The following FKBP5 variants were observed in gnomAD, a reference collection of about 807,000 sequenced individuals.
FKBP5 encodes peptidyl-prolyl cis-trans isomerase FKBP5.
FKBP5 carries 23 observed loss-of-function variants against 50.5 expected under a neutral mutation model. That is an observed-to-expected ratio of 0.46 (90% CI 0.33 to 0.65). The LOEUF (loss-of-function observed/expected upper bound fraction) is 0.65, where lower values mean the gene tolerates loss of function less well. FKBP5 is among the 30% of genes least tolerant of loss of function. The probability of loss-of-function intolerance (pLI) is 0.02; values close to 1 mark genes in which losing one functional copy is unlikely to be tolerated. For synonymous variants in FKBP5, 176 were observed against 190.6 expected, an observed-to-expected ratio of 0.92 and a Z score of 0.63; for missense variants, 411 against 553.1, an observed-to-expected ratio of 0.74 and a Z score of 2.58.
rs1762174047 is a variant in FKBP5, at chr6:35,575,173, T to G, written c.*662A>C. On this transcript the variant is annotated 3_prime_UTR_variant, in exon 11 of 11. Coordinates refer to ENST00000357266, the MANE Select transcript of FKBP5 (RefSeq NM_004117.4). ...TACTCCCCCAGGGACAGGCTGTGTG[T>G]GGTAGAAAGCCACTCTCACAAGGAG... 6.6e-6 allele frequency: 1 copy of G among 152,230 alleles called. No homozygotes were observed. The highest frequency in any genetic ancestry group is 1.5e-5 in the Non-Finnish European group (1 of 68,078). The allele number at this position is 152,230 out of a possible 1,614,324, so 9.4% of individuals were successfully genotyped here. A position where few individuals can be genotyped will look rare whatever the true frequency, so the allele number is the denominator to read the frequency against.
At chr6:35,603,199 CTGT>C (rs1236356651) in intron 5 of FKBP5, among the ~76,000 whole-genome samples, 4 of 152,148 alleles carry the variant, frequency 2.6e-5, no homozygotes. Flanking sequence ...TGTGAAAATG[CTGT>C]TGTTAAGTGT....
At chr6:35,709,715 A>G (rs1455563622) in intron 2 of FKBP5, among the ~76,000 whole-genome samples, 1 of 152,228 alleles carries the variant, frequency 6.6e-6, no homozygotes, top group Non-Finnish European at 1.5e-5. Context: ...GTCCCAGACA[A>G]TAAAAATAAC....
chr6:35,713,534 T>C (rs1766452570), intron 2 of FKBP5, among the ~76,000 whole-genome samples: 1 of 152,154 alleles, frequency 6.6e-6, no homozygotes. Flanking sequence ...CCTACCCTTC[T>C]AGCAAGCAGC....
intron 3 of FKBP5, among the ~76,000 whole-genome samples, chr6:35,627,431 T>C (rs367576082): frequency 1.3e-5 from 2 of 152,140 alleles, no homozygotes; most frequent in Non-Finnish European, 1.5e-5. Flanking sequence ...GTATGGCCAC[T>C]GCAACTGGTC....
chr6:35,656,556 C>T (rs1764954868), intron 1 of FKBP5, among the ~76,000 whole-genome samples: 1 of 152,198 alleles, frequency 6.6e-6, no homozygotes, highest in African/African-American at 2.4e-5. Flanking sequence ...GCTTTACCCA[C>T]TTACATGTGG....
At chr6:35,628,711 T>G (rs1412849195) in intron 3 of FKBP5, among the ~76,000 whole-genome samples, 1 of 152,230 alleles carries the variant, frequency 6.6e-6, no homozygotes, top group Non-Finnish European at 1.5e-5. Context: ...CTCATATATT[T>G]TAGGTTTTTT....
At chr6:35,646,796 T>C (rs1451200993) in intron 1 of FKBP5, among the ~76,000 whole-genome samples, 1 of 152,250 alleles carries the variant, frequency 6.6e-6, no homozygotes, top group African/African-American at 2.4e-5. Context: ...CAGTTCGTTC[T>C]GTTATGGACA....
intron 1 of FKBP5, among the ~76,000 whole-genome samples, chr6:35,667,718 T>G (rs547537995): frequency 6.6e-6 from 1 of 152,178 alleles, no homozygotes; most frequent in African/African-American, 2.4e-5. Flanking sequence ...CCATCTCTAT[T>G]AAAAATACAA....
At chr6:35,586,009 G>A (rs1339690201) in intron 8 of FKBP5, 1 of 985,166 alleles carries the variant, frequency 1.0e-6, no homozygotes, top group African/African-American at 1.7e-5. Flanking sequence ...ACTTGTTAAA[G>A]TACACTTATG....
chr6:35,635,017 C>G (rs1490819966), intron 3 of FKBP5, among the ~76,000 whole-genome samples: 3 of 115,884 alleles, frequency 2.6e-5, no homozygotes, highest in African/African-American at 1.3e-4. Flanking sequence ...TGGTGAAACC[C>G]TGTCTCTACA....
upstream of FKBP5, among the ~76,000 whole-genome samples, chr6:35,693,874 C>G (rs1021417554): frequency 2.6e-5 from 4 of 151,460 alleles, no homozygotes; most frequent in African/African-American, 4.9e-5. Flanking sequence ...TTCCCAGTAC[C>G]CTGCTATAAT....
intron 1 of FKBP5, among the ~76,000 whole-genome samples, chr6:35,726,954 A>C (rs1404858064): frequency 6.6e-6 from 1 of 152,228 alleles, no homozygotes; most frequent in Non-Finnish European, 1.5e-5. Context: ...GATCGCTAGA[A>C]TATGAGACAG....
At chr6:35,692,090 A>G (rs1765998603), upstream of FKBP5, among the ~76,000 whole-genome samples, 1 of 152,160 alleles carries the variant, frequency 6.6e-6, no homozygotes, top group Non-Finnish European at 1.5e-5. Context: ...TTTTAAAAGC[A>G]CTTCGCATTC....
chr6:35,582,941 AAGTGG>A, intron 8 of FKBP5: 3 of 861,122 alleles, frequency 3.5e-6, no homozygotes, highest in Non-Finnish European at 4.2e-6. Context: ...ACTTTTTCTA[AAGTGG>A]TGTGGTGGCT....
chr6:35,706,604 C>A (rs1389762478), intron 2 of FKBP5, among the ~76,000 whole-genome samples: 2 of 152,102 alleles, frequency 1.3e-5, no homozygotes, highest in Non-Finnish European at 2.9e-5. Flanking sequence ...CAGGGCAAAG[C>A]CATTTTCGTT....
At chr6:35,705,738 A>C (rs1476360244) in intron 2 of FKBP5, among the ~76,000 whole-genome samples, 1 of 152,152 alleles carries the variant, frequency 6.6e-6, no homozygotes, top group Non-Finnish European at 1.5e-5. Flanking sequence ...CTAGGTCCTT[A>C]CCTCATTTCT....
chr6:35,670,212 A>G (rs1765345196), intron 1 of FKBP5, among the ~76,000 whole-genome samples: 2 of 152,204 alleles, frequency 1.3e-5, no homozygotes, highest in Non-Finnish European at 2.9e-5. Flanking sequence ...GCTGTTTTAG[A>G]GTTAATTATT....
chr6:35,609,254 C>T (rs1226385197), intron 5 of FKBP5, among the ~76,000 whole-genome samples: 2 of 152,040 alleles, frequency 1.3e-5, no homozygotes, highest in Non-Finnish European at 2.9e-5. Flanking sequence ...GTACATCCCA[C>T]AGTATTTTTT....
At chr6:35,640,218 T>C (rs1016320714) in intron 2 of FKBP5, among the ~76,000 whole-genome samples, 2 of 152,350 alleles carry the variant, frequency 1.3e-5, no homozygotes, top group Admixed American at 1.3e-4. Context: ...CAAACCTAGA[T>C]GGCCTGGCCT....
Sources: gnomAD v4.1 joint callset for allele counts (sites outside exome capture counted in the v4.1 genomes callset) on GRCh38, gnomAD v4.1.1 for gene constraint, MANE v1.5 for transcripts, NCBI Gene and HGNC (gene_info 2026-07-23, HGNC 2026-07-21) for gene names.